Variants in CASP8 observed in about 807,000 individuals in gnomAD.
The protein encoded by CASP8 is caspase 8, also known as caspase-8.
In CASP8, 24 loss-of-function variants were observed where a neutral mutation model predicts 46.3. The observed-to-expected ratio is 0.52, with a 90% confidence interval of 0.38 to 0.73. CASP8 has a LOEUF of 0.73. CASP8 is among the 30% of genes least tolerant of loss of function. CASP8 has a pLI of 0.00. For synonymous variants in CASP8, 188 were observed against 200.4 expected (o/e 0.94, Z 0.52); for missense variants, 460 against 559.0 (o/e 0.82, Z 1.79).
At position 201,281,305 on chromosome 2, in the gene CASP8, C is replaced by A. The variant is rs558666154; in HGVS notation, c.803-3511C>A. Among the ~76,000 whole-genome samples the A allele has an allele frequency of 3.3e-5, 5 of 151,922 alleles. No individual in the cohort carries two copies. In the South Asian group the frequency reaches 6.2e-4, roughly 19 times the overall value. On this transcript the variant is annotated intron_variant, in intron 7 of 8. Transcript: ENST00000673742. ...CTGTAGCCTGGGTGACAGAGTGAGA[C>A]CTTTTCTAAAAAAAATTAAAAAAAT...
At chr2:201,278,769 T>C (rs887238783) in intron 7 of CASP8, among the ~76,000 whole-genome samples, 3 of 152,136 alleles carry the variant, frequency 2.0e-5, no homozygotes, top group South Asian at 2.1e-4. Context: ...TGACCTCAGG[T>C]GATCCACTCG....
chr2:201,267,782 T>A (rs1382932930), intron 2 of CASP8, among the ~76,000 whole-genome samples: 2 of 152,242 alleles, frequency 1.3e-5, no homozygotes, highest in Non-Finnish European at 2.9e-5. Flanking sequence ...CTCTGTTTGC[T>A]TGTTGATAAC....
chr2:201,286,373 A>G (rs1949558944), intron 8 of CASP8, 86 bp from the exon 9 acceptor site: 10 of 1,506,424 alleles, frequency 6.6e-6, no homozygotes, highest in Non-Finnish European at 9.2e-6. Flanking sequence ...AAAGAACTAC[A>G]GAACTATCTC....
chr2:201,255,713 G>C (rs1946983081), upstream of CASP8, among the ~76,000 whole-genome samples: 1 of 152,172 alleles, frequency 6.6e-6, no homozygotes. Flanking sequence ...CCATCTTAGA[G>C]ATGTTGTGAG....
chr2:201,240,967 T>C (rs1487717012), intron 2 of CASP8: 1 of 152,124 alleles, frequency 6.6e-6, no homozygotes, highest in East Asian at 1.9e-4. Context: ...TTAGGAAATA[T>C]CTTGAGATAA....
chr2:201,247,694 G>C (rs1429710957), intron 2 of CASP8, among the ~76,000 whole-genome samples: 1 of 149,088 alleles, frequency 6.7e-6, no homozygotes, highest in Non-Finnish European at 1.5e-5. Context: ...GCCCAGGCTG[G>C]AGTGCAGTGG....
chr2:201,272,960 A>G lies in CASP8; in HGVS notation c.595+18A>G. 6.2e-7 allele frequency: 1 copy of G among 1,609,502 alleles called. No homozygotes were observed. Among genetic ancestry groups the G allele is most frequent in the East Asian group, 2.2e-5 (1 of 44,836 alleles). ...TTCAAATGGTAATGCTTGGAGATAC[A>G]TTTTCAAGATTTAGTTAATTTACTA... On this transcript the variant is annotated intron_variant, in intron 5 of 8. Transcript: ENST00000673742. The surrounding 1 kb of genome is among the most constrained non-coding windows in gnomAD (Gnocchi z 4.4).
chr2:201,279,787 T>C (rs1473616401), intron 7 of CASP8, among the ~76,000 whole-genome samples: 1 of 152,124 alleles, frequency 6.6e-6, no homozygotes, highest in African/African-American at 2.4e-5. Flanking sequence ...ACCCCATCTC[T>C]ACTAAAAATA....
chr2:201,237,497 C>T (rs1428338742), intron 2 of CASP8, among the ~76,000 whole-genome samples: 1 of 148,028 alleles, frequency 6.8e-6, no homozygotes, highest in Non-Finnish European at 1.5e-5. Context: ...AAGAAAACAT[C>T]CAGCAAGGTC....
chr2:201,244,877 G>A (rs1946444885), intron 2 of CASP8, among the ~76,000 whole-genome samples: 1 of 152,226 alleles, frequency 6.6e-6, no homozygotes, highest in South Asian at 2.1e-4. Flanking sequence ...AAAGGAAGCA[G>A]GTAGACAGTC....
chr2:201,266,607 GCCTTGATGTTATTC>G lies in CASP8; in HGVS notation c.123_136del (p.Leu42GlufsTer24). The G allele has an allele frequency of 6.2e-7, 1 of 1,614,152 alleles. No individual in the cohort carries two copies. Among genetic ancestry groups the G allele is most frequent in the Non-Finnish European group, 8.5e-7 (1 of 1,179,988 alleles). ...AAGGAAGCAAGAACCCATCAAGGATGCCTTGATGTTATTCCAGAGACTCCAGGAAAAGAGAATGT... is the reference window on the plus strand; with the variant it reads ...AAGGAAGCAAGAACCCATCAAGGATGCAGAGACTCCAGGAAAAGAGAATGT... On this transcript the variant is annotated frameshift_variant, in exon 2 of 9. Coordinates refer to ENST00000673742, the MANE Select transcript of CASP8 (RefSeq NM_001372051.1). LOFTEE classifies it high-confidence loss of function. The surrounding 1 kb of genome is among the most constrained non-coding windows in gnomAD (Gnocchi z 5.7).
chr2:201,242,365 A>T (rs1946336489), intron 2 of CASP8: 1 of 152,194 alleles, frequency 6.6e-6, no homozygotes, highest in African/African-American at 2.4e-5. Context: ...TCAAGTAGCT[A>T]GCAGATTTGC....
At chr2:201,254,699 A>C (rs771435177) in intron 2 of CASP8, among the ~76,000 whole-genome samples, 6 of 152,198 alleles carry the variant, frequency 3.9e-5, no homozygotes, top group Non-Finnish European at 8.8e-5. Context: ...TGGCTTTTTT[A>C]GGGACACTTA....
At chr2:201,236,259 A>T (rs149192669) in intron 2 of CASP8, among the ~76,000 whole-genome samples, 4 of 152,034 alleles carry the variant, frequency 2.6e-5, no homozygotes, top group African/African-American at 9.7e-5. Context: ...GCGGCATCCC[A>T]TGCATTTTGA....
chr2:201,263,543 T>C (rs891820019), intron 1 of CASP8, among the ~76,000 whole-genome samples: 2 of 152,230 alleles, frequency 1.3e-5, no homozygotes, highest in Non-Finnish European at 1.5e-5. Flanking sequence ...ACTGGGCATT[T>C]ATATTTGGAT....
Position 201,266,531 on chromosome 2 carries a change from CA to C in CASP8, c.46del (p.Ser16ValfsTer10). ...TTTATGATATTGGGGAACAACTGGACAGTGAAGATCTGGCCTCCCTCAAGTT... is the reference window on the plus strand; with the variant it reads ...TTTATGATATTGGGGAACAACTGGACGTGAAGATCTGGCCTCCCTCAAGTT... ...NLYDIGEQLD[S>X]EDLASLKFLS... is the part of the protein sequence containing the mutation. On this transcript the variant is annotated frameshift_variant, in exon 2 of 9. Transcript: ENST00000673742. LOFTEE classifies it high-confidence loss of function. The surrounding 1 kb of genome is among the most constrained non-coding windows in gnomAD (Gnocchi z 5.7). 1 of 1,614,122 alleles carries C rather than the reference CA, an allele frequency of 6.2e-7. No individual in the cohort carries two copies. Among genetic ancestry groups the C allele is most frequent in the Admixed American group, 1.7e-5 (1 of 60,026 alleles).
At chr2:201,248,099 T>TGACA (rs1168185212) in intron 2 of CASP8, among the ~76,000 whole-genome samples, 1 of 152,220 alleles carries the variant, frequency 6.6e-6, no homozygotes, top group East Asian at 1.9e-4. Context: ...TATTAGTGAA[T>TGACA]GACAGCCTTG....
intron 8 of CASP8, 92 bp from the exon 9 acceptor site, chr2:201,286,367 A>G (rs981468954): frequency 1.4e-6 from 2 of 1,461,042 alleles, no homozygotes; most frequent in Non-Finnish European, 1.9e-6. Context: ...TGAGAGAAAG[A>G]ACTACAGAAC....
upstream of CASP8, chr2:201,258,192 C>T (rs1947119474): frequency 6.2e-7 from 1 of 1,603,316 alleles, no homozygotes; most frequent in Non-Finnish European, 8.5e-7. Flanking sequence ...TTTTTCAAGC[C>T]CTGCTGAATT....
Sources: allele counts gnomAD v4.1 joint callset (sites outside exome capture counted in the v4.1 genomes callset), GRCh38; gene constraint gnomAD v4.1.1; non-coding constraint Gnocchi (gnomAD v3.1); transcripts MANE v1.5; gene names NCBI Gene and HGNC (gene_info 2026-07-23, HGNC 2026-07-21).